Variants in COL22A1 observed in about 807,000 individuals in gnomAD.
The protein encoded by COL22A1 is collagen type XXII alpha 1 chain, also known as collagen alpha-1(XXII) chain.
In COL22A1, 221 loss-of-function variants were observed where a neutral mutation model predicts 248.9. The observed-to-expected ratio is 0.89, with a 90% confidence interval of 0.80 to 0.99. The LOEUF (loss-of-function observed/expected upper bound fraction) is 0.99. Among genes scored for constraint, COL22A1 ranks in the 50% least tolerant of loss-of-function variants. COL22A1 has a pLI of 0.00. For missense variants in COL22A1, 2,240 were observed against 2,179.0 expected (o/e 1.03, Z -0.56); for synonymous variants, 891 against 793.4 (o/e 1.12, Z -2.07).
intron 9 of COL22A1, among the ~76,000 whole-genome samples, chr8:138,808,828 A>AT (rs1302125904): frequency 6.6e-6 from 1 of 152,184 alleles, no homozygotes; most frequent in Non-Finnish European, 1.5e-5. Context: ...AAGATAAATA[A>AT]TTTTTTGTGT....
At chr8:138,593,794 A>C (rs544658884) in intron 63 of COL22A1, among the ~76,000 whole-genome samples, 2 of 152,362 alleles carry the variant, frequency 1.3e-5, no homozygotes, top group Non-Finnish European at 1.5e-5. Context: ...AGTAGGAAGG[A>C]ACTGATTCAA....
intron 42 of COL22A1, among the ~76,000 whole-genome samples, chr8:138,662,579 G>A (rs189880744): frequency 6.6e-6 from 1 of 152,294 alleles, no homozygotes; most frequent in Admixed American, 6.5e-5. Flanking sequence ...AAACGGCACA[G>A]ATATCTTTCA....
intron 56 of COL22A1, among the ~76,000 whole-genome samples, chr8:138,609,982 TCCTATTCTAAGACC>T (rs1233052612): frequency 1.3e-5 from 2 of 152,110 alleles, no homozygotes; most frequent in Non-Finnish European, 2.9e-5. Context: ...AGCTCCAAAC[TCCTATTCTAAGACC>T]CCTCCTTCCA....
chr8:138,758,592 G>A (rs184766576), intron 18 of COL22A1, among the ~76,000 whole-genome samples: 405 of 152,234 alleles, frequency 2.7e-3, no homozygotes, highest in African/African-American at 9.2e-3. Flanking sequence ...TCTAGACTTC[G>A]GTCTATTATC....
At chr8:138,722,853 G>GGT (rs1320954747) in intron 25 of COL22A1, among the ~76,000 whole-genome samples, 2 of 128,640 alleles carry the variant, frequency 1.6e-5, no homozygotes, top group African/African-American at 2.8e-5. Flanking sequence ...ATGGGGGCGG[G>GGT]GGGGGGGTGG....
At chr8:138,895,951 C>G (rs550620644) in intron 1 of COL22A1, among the ~76,000 whole-genome samples, 1 of 152,292 alleles carries the variant, frequency 6.6e-6, no homozygotes, top group African/African-American at 2.4e-5. Context: ...ACACAAATGA[C>G]AGCCAATTTC....
chr8:138,638,776 C>T (rs1821417721), intron 47 of COL22A1, among the ~76,000 whole-genome samples: 1 of 152,166 alleles, frequency 6.6e-6, no homozygotes, highest in African/African-American at 2.4e-5. Flanking sequence ...ACAGATTAGC[C>T]CACTGCTTCC....
intron 16 of COL22A1, among the ~76,000 whole-genome samples, chr8:138,765,701 C>T (rs902087296): frequency 2.0e-5 from 3 of 152,210 alleles, no homozygotes; most frequent in Non-Finnish European, 4.4e-5. Flanking sequence ...TGTGGTCACG[C>T]CCAGAGAAAG....
Position 138,802,928 on chromosome 8 carries a change from T to C in COL22A1, c.1501A>G (p.Ile501Val), listed in dbSNP as rs550000630. Residue 501 changes from isoleucine to valine, a missense_variant, in exon 11 of 65, where the codon ATA (isoleucine) becomes GTA (valine). Transcript: ENST00000303045. ...PMGLPGPKGDIGAIGPVGAPG... is the reference protein window; with the variant it reads ...PMGLPGPKGDVGAIGPVGAPG... ...GCGCCAACCGGCCCAATGGCTCCTA[T>C]GTCTCCCTGAGGGGTTGAGACCAGA... is the stretch of plus-strand genomic sequence containing the variant. 257 of 1,613,724 alleles carry C rather than the reference T, an allele frequency of 1.6e-4. 4 individuals carry two copies. In the South Asian group the frequency reaches 2.7e-3, roughly 17 times the overall value.
At chr8:138,796,017 G>A (rs949346533) in intron 12 of COL22A1, among the ~76,000 whole-genome samples, 1 of 152,226 alleles carries the variant, frequency 6.6e-6, no homozygotes, top group Middle Eastern at 3.4e-3. Context: ...AAGTATCAAC[G>A]GGCATTTGCA....
intron 57 of COL22A1, 72 bp from the exon 58 acceptor site, chr8:138,606,524 AC>A: frequency 6.9e-7 from 1 of 1,438,966 alleles, no homozygotes; most frequent in Non-Finnish European, 9.6e-7. Flanking sequence ...AAACCTTGTG[AC>A]CACTCTGAAA....
intron 60 of COL22A1, among the ~76,000 whole-genome samples, chr8:138,599,240 G>T (rs1179402676): frequency 6.6e-6 from 1 of 152,132 alleles, no homozygotes; most frequent in Non-Finnish European, 1.5e-5. Flanking sequence ...ACTCTGGGAG[G>T]CCGAGGCAGG....
At chr8:138,635,139 GA>G in intron 48 of COL22A1, 76 bp from the exon 49 acceptor site, 1 of 1,257,926 alleles carries the variant, frequency 7.9e-7, no homozygotes, top group Non-Finnish European at 1.1e-6. Flanking sequence ...TCAAATTTCA[GA>G]AAACAATACA....
In COL22A1 at chr8:138,722,048, C is replaced by A. The variant is rs374425269; in HGVS notation, c.2289G>T (p.Pro763=). The A allele has an allele frequency of 1.7e-5, 27 of 1,578,118 alleles. No homozygotes were observed. In the South Asian group the frequency reaches 2.6e-4, roughly 15 times the overall value. The part of the protein sequence containing the change: ...GKDGPNGPPG[P]PGTKGEPGER... ...ATCAGTGACCAACCTTGGTTCCTGGCGGACCTGGTGGTCCATTTGGCCCGT... is the reference window on the plus strand; with the variant it reads ...ATCAGTGACCAACCTTGGTTCCTGGAGGACCTGGTGGTCCATTTGGCCCGT... The change falls in exon 26 of 65, where the codon CCG becomes CCT. Residue 763 remains proline, a synonymous_variant. Coordinates refer to ENST00000303045, the MANE Select transcript of COL22A1 (RefSeq NM_152888.3).
chr8:138,598,749 A>G lies in COL22A1; in HGVS notation c.4335T>C (p.Pro1445=). 1 of 1,613,798 alleles carries G rather than the reference A, an allele frequency of 6.2e-7. No individual in the cohort carries two copies. Among genetic ancestry groups the G allele is most frequent in the South Asian group, 1.1e-5 (1 of 91,044 alleles). Residue 1445 remains proline, a synonymous_variant, in exon 61 of 65, where the codon CCT becomes CCC. Transcript: ENST00000303045. ...GENGPVGPPG[P]PGQPGFPGLR... ...GTCCTGGAAATCCCGGCTGGCCTGG[A>G]GGCCCTGGGGGTCCAACTGGTCCAT...
intron 1 of COL22A1, among the ~76,000 whole-genome samples, chr8:138,897,082 A>G (rs1386934551): frequency 6.6e-6 from 1 of 152,000 alleles, no homozygotes; most frequent in East Asian, 1.9e-4. Flanking sequence ...TCCATTATCT[A>G]TCTGTTTTAT....
At chr8:138,827,760 T>G (rs1255493160) in intron 5 of COL22A1, among the ~76,000 whole-genome samples, 2 of 149,776 alleles carry the variant, frequency 1.3e-5, no homozygotes, top group Admixed American at 1.3e-4. Context: ...CCCTCTGTCC[T>G]CGGAGCACTC....
chr8:138,613,976 G>T, intron 55 of COL22A1, 56 bp from the exon 56 acceptor site: 1 of 1,369,898 alleles, frequency 7.3e-7, no homozygotes, highest in Non-Finnish European at 1.0e-6. Flanking sequence ...GAAGGTGATG[G>T]CATCCCAATT....
At chr8:138,671,772 T>C (rs1210110662) in intron 41 of COL22A1, among the ~76,000 whole-genome samples, 1 of 152,232 alleles carries the variant, frequency 6.6e-6, no homozygotes, top group Non-Finnish European at 1.5e-5. Flanking sequence ...TGCAGCCATT[T>C]CCAATGGACT....
Sources: gnomAD v4.1 joint callset for allele counts (sites outside exome capture counted in the v4.1 genomes callset) on GRCh38, gnomAD v4.1.1 for gene constraint, MANE v1.5 for transcripts, NCBI Gene and HGNC (gene_info 2026-07-23, HGNC 2026-07-21) for gene names.